Variants in RNF214 observed in about 807,000 individuals in gnomAD.
RNF214 encodes the protein ring finger protein 214.
Under a neutral mutation model 75.9 loss-of-function variants are expected in RNF214, and 25 were observed. The observed-to-expected ratio is 0.33, with a 90% confidence interval of 0.24 to 0.46. RNF214 has a LOEUF of 0.46. Ranked by LOEUF, RNF214 falls within the 20% of genes least tolerant of loss-of-function variation. The pLI is 1.00. For synonymous variants in RNF214, 314 were observed against 308.8 expected (o/e 1.02, Z -0.18); for missense variants, 725 against 857.5 (o/e 0.85, Z 1.93).
chr11:117,283,102 C>T lies in RNF214; in HGVS notation c.1951-13C>T. ...GTTCCTTACCTTTTGATCATGCCGCCTCTGTTCTACAGGCTCCAGCCACCT... is the reference window on the plus strand; with the variant it reads ...GTTCCTTACCTTTTGATCATGCCGCTTCTGTTCTACAGGCTCCAGCCACCT... On this transcript the variant is annotated splice_polypyrimidine_tract_variant and intron_variant, in intron 13 of 14. Transcript: ENST00000300650. 2 of 1,603,806 alleles carry T rather than the reference C, an allele frequency of 1.2e-6. No individual in the cohort carries two copies. Among genetic ancestry groups the T allele is most frequent in the African/African-American group, 1.3e-5 (1 of 74,798 alleles).
At position 117,238,877 on chromosome 11, in the gene RNF214, C is replaced by G; in HGVS notation, c.384C>G (p.Leu128=). Residue 128 remains leucine, a synonymous_variant, in exon 3 of 15, where the codon CTC becomes CTG. Coordinates refer to ENST00000300650, the MANE Select transcript of RNF214 (RefSeq NM_207343.4). The part of the protein sequence containing the change: ...EEGDTSLRES[L]HPVTRSLKAG... ...GGGACACAAGCCTTCGGGAGAGCCT[C>G]CATCCAGTCACTCGGTCTCTTAAGG... 1 of 1,614,144 alleles carries G rather than the reference C, an allele frequency of 6.2e-7. No individual in the cohort carries two copies. Among genetic ancestry groups the G allele is most frequent in the Non-Finnish European group, 8.5e-7 (1 of 1,180,034 alleles).
chr11:117,277,516 C>T (rs1485224295), intron 6 of RNF214, among the ~76,000 whole-genome samples: 1 of 152,090 alleles, frequency 6.6e-6, no homozygotes, highest in African/African-American at 2.4e-5. Flanking sequence ...ACCCTCTCTA[C>T]CTATACATGA....
intron 14 of RNF214, 47 bp from the exon 15 acceptor site, chr11:117,285,039 C>G (rs201887302): frequency 1.4e-6 from 2 of 1,398,306 alleles, no homozygotes; most frequent in East Asian, 2.3e-5. Context: ...CCTTCCTTCC[C>G]TTTGTTTTTC....
At chr11:117,257,540 G>A (rs2033553368) in intron 6 of RNF214, among the ~76,000 whole-genome samples, 1 of 152,200 alleles carries the variant, frequency 6.6e-6, no homozygotes, top group South Asian at 2.1e-4. Flanking sequence ...CATTGGAAAT[G>A]AGAGACTTGA....
chr11:117,260,134 T>A (rs1400106725), intron 6 of RNF214, among the ~76,000 whole-genome samples: 1 of 152,172 alleles, frequency 6.6e-6, no homozygotes, highest in Non-Finnish European at 1.5e-5. Context: ...TTTGTTTTTT[T>A]ATAGACGAGG....
At chr11:117,258,787 A>G (rs2033589318) in intron 6 of RNF214, among the ~76,000 whole-genome samples, 1 of 152,070 alleles carries the variant, frequency 6.6e-6, no homozygotes, top group Non-Finnish European at 1.5e-5. Flanking sequence ...ACTCTCCCCA[A>G]ACCAACCATT....
chr11:117,248,114 T>C (rs1286999707), intron 6 of RNF214, among the ~76,000 whole-genome samples: 1 of 151,994 alleles, frequency 6.6e-6, no homozygotes, highest in African/African-American at 2.4e-5. Context: ...CTTGCTCTGT[T>C]CCCCAGGCTG....
In RNF214 at chr11:117,280,021, A is replaced by G. The variant is rs1258233501; in HGVS notation, c.1056+17A>G. Reference sequence around the variant, plus strand: ...AAGGCAGAGGTGAGAAGAGGAGCTGATATCTTGAAAGTCTTAGTTTCAGGC... The same window carrying G: ...AAGGCAGAGGTGAGAAGAGGAGCTGGTATCTTGAAAGTCTTAGTTTCAGGC... On this transcript the variant is annotated intron_variant, in intron 7 of 14. Transcript: ENST00000300650. 8 of 1,591,212 alleles carry G rather than the reference A, an allele frequency of 5.0e-6. No homozygotes were observed. The African/African-American group carries it at 8.1e-5, about 16-fold the overall frequency.
At chr11:117,266,486 A>G (rs1334900249) in intron 6 of RNF214, among the ~76,000 whole-genome samples, 1 of 151,938 alleles carries the variant, frequency 6.6e-6, no homozygotes, top group African/African-American at 2.4e-5. Flanking sequence ...CAGCCTCCCA[A>G]GTAGCTAGGA....
chr11:117,266,670 A>G (rs1279295915), intron 6 of RNF214, among the ~76,000 whole-genome samples: 1 of 151,700 alleles, frequency 6.6e-6, no homozygotes. Context: ...AAATTTATGA[A>G]ATTTTCTGAC....
intron 4 of RNF214, among the ~76,000 whole-genome samples, chr11:117,240,499 C>A (rs2033046579): frequency 1.3e-5 from 2 of 150,842 alleles, no homozygotes; most frequent in Admixed American, 1.3e-4. Flanking sequence ...ACCAAGCTGG[C>A]CAACGTGGTG....
chr11:117,259,421 C>T (rs2134388827), intron 6 of RNF214, among the ~76,000 whole-genome samples: 1 of 152,284 alleles, frequency 6.6e-6, no homozygotes, highest in Middle Eastern at 3.4e-3. Flanking sequence ...TTTTATTTCT[C>T]TTAGGTAGAT....
chr11:117,244,933 G>A (rs545108409), intron 5 of RNF214, among the ~76,000 whole-genome samples: 1 of 151,766 alleles, frequency 6.6e-6, no homozygotes, highest in Admixed American at 6.5e-5. Flanking sequence ...CCGAAAGGAG[G>A]CCTTTTTATT....
At chr11:117,262,729 G>C (rs146142514) in intron 6 of RNF214, among the ~76,000 whole-genome samples, 1 of 151,916 alleles carries the variant, frequency 6.6e-6, no homozygotes, top group African/African-American at 2.4e-5. Flanking sequence ...GTGTGTGTGT[G>C]TGTGTTTAAT....
At chr11:117,252,057 C>T (rs1278376928) in intron 6 of RNF214, among the ~76,000 whole-genome samples, 4 of 152,044 alleles carry the variant, frequency 2.6e-5, no homozygotes, top group Non-Finnish European at 4.4e-5. Context: ...TTAGTAGAGA[C>T]GAGGTTTCAC....
intron 6 of RNF214, among the ~76,000 whole-genome samples, chr11:117,267,048 C>T (rs1359173218): frequency 6.6e-6 from 1 of 151,310 alleles, no homozygotes; most frequent in African/African-American, 2.4e-5. Flanking sequence ...CGCTGTGGTG[C>T]CCAGGCTGAT....
In RNF214 at chr11:117,239,878, C is replaced by T. The variant is rs1396292227; in HGVS notation, c.678+18C>T. The T allele has an allele frequency of 1.5e-6, 2 of 1,321,160 alleles. No homozygotes were observed. The highest frequency in any genetic ancestry group is 2.2e-6 in the Non-Finnish European group (2 of 914,536). 81.8% of individuals were successfully genotyped at this position (1,321,160 alleles called of 1,614,324 possible). On this transcript the variant is annotated intron_variant, in intron 4 of 14. Transcript: ENST00000300650. The stretch of plus-strand genomic sequence containing the variant: ...AGAATTTGGTAAGTATTTAAACTGT[C>T]CTTGTTATATGAAGCCATTATCAAA...
chr11:117,264,050 C>T (rs472785), intron 6 of RNF214: 110,430 of 154,722 alleles, frequency 0.71, 40,918 homozygotes, highest in East Asian at 0.95. Context: ...GGGCCGGGCG[C>T]GGTGGCTCAC....
intron 14 of RNF214, 73 bp from the exon 15 acceptor site, chr11:117,285,013 C>G (rs948958679): frequency 9.1e-7 from 1 of 1,093,540 alleles, no homozygotes; most frequent in African/African-American, 1.5e-5. Context: ...CTTGTTGAAC[C>G]TTATTGGCAT....
Sources: gnomAD v4.1 joint callset for allele counts (sites outside exome capture counted in the v4.1 genomes callset) on GRCh38, gnomAD v4.1.1 for gene constraint, MANE v1.5 for transcripts, NCBI Gene and HGNC (gene_info 2026-07-23, HGNC 2026-07-21) for gene names.